Variants in SLCO2B1 observed in about 807,000 individuals in gnomAD.
SLCO2B1 encodes the protein OATP-RP2.
A neutral mutation model predicts 67.3 loss-of-function variants in SLCO2B1; 41 were observed. That is an observed-to-expected ratio of 0.61 (90% CI 0.47 to 0.79). The LOEUF (loss-of-function observed/expected upper bound fraction) is 0.79, where lower values mean the gene tolerates loss of function less well. Among genes scored for constraint, SLCO2B1 ranks in the 30% least tolerant of loss-of-function variants. The pLI, the probability that SLCO2B1 is intolerant of heterozygous loss-of-function variation, is 0.00. For synonymous variants in SLCO2B1, 379 were observed against 381.4 expected (o/e 0.99, Z 0.07); for missense variants, 837 against 920.1 (o/e 0.91, Z 1.17).
chr11:75,174,596 G>C (rs1368473119), intron 7 of SLCO2B1, among the ~76,000 whole-genome samples: 1 of 152,218 alleles, frequency 6.6e-6, no homozygotes, highest in East Asian at 1.9e-4. Flanking sequence ...CAGCTGCCAG[G>C]GAGTGAGCAG....
chr11:75,169,827 C>A, intron 6 of SLCO2B1, 63 bp downstream of exon 6: 1 of 1,407,786 alleles, frequency 7.1e-7, no homozygotes, highest in Non-Finnish European at 1.0e-6. Flanking sequence ...TCATAGGAGA[C>A]ATTGAGCCAG....
At chr11:75,204,285 G>A (rs746277654) in intron 13 of SLCO2B1, 115 bp from the exon 14 acceptor site, 11 of 1,097,860 alleles carry the variant, frequency 1.0e-5, no homozygotes, top group Admixed American at 4.7e-5. Context: ...CCACAGCAGA[G>A]GTCAATGTCT....
chr11:75,163,016 G>A, intron 2 of SLCO2B1: 1 of 441,344 alleles, frequency 2.3e-6, no homozygotes, highest in Non-Finnish European at 4.1e-6. Flanking sequence ...GGGTGTTCTT[G>A]GAGTAGTACA....
intron 7 of SLCO2B1, among the ~76,000 whole-genome samples, chr11:75,186,505 G>A (rs1036226678): frequency 2.6e-5 from 4 of 151,460 alleles, no homozygotes; most frequent in Admixed American, 6.6e-5. Context: ...CGCCACGCCC[G>A]ACTGATTTTT....
rs117493906 is a variant in SLCO2B1, at chr11:75,203,545, C to T, written c.1949+118C>T. 157 of 1,306,388 alleles carry T rather than the reference C, an allele frequency of 1.2e-4. 1 individual carries two copies. The East Asian group carries it at 3.4e-3, about 28-fold the overall frequency. The allele number at this position is 1,306,388 out of a possible 1,614,324, so 80.9% of individuals were successfully genotyped here. On this transcript the variant is annotated intron_variant, in intron 13 of 13. Transcript: ENST00000289575. ...AGTCTACCTGCTAGGTGACAGGTGTCATTATATATTCAGTGCTGAGCTCAC... is the reference window on the plus strand; with the variant it reads ...AGTCTACCTGCTAGGTGACAGGTGTTATTATATATTCAGTGCTGAGCTCAC...
At chr11:75,182,762 A>T (rs1193237895) in intron 7 of SLCO2B1, among the ~76,000 whole-genome samples, 2 of 151,982 alleles carry the variant, frequency 1.3e-5, no homozygotes, top group Non-Finnish European at 2.9e-5. Context: ...AGTGCAATGT[A>T]GACCAAATAG....
At chr11:75,155,062 G>A (rs2712819) in intron 1 of SLCO2B1, among the ~76,000 whole-genome samples, 119,788 of 152,060 alleles carry the variant, frequency 0.79, 47,471 homozygotes, top group Middle Eastern at 0.89. Context: ...CTGGGAACAG[G>A]AAGTCTCAGC....
At chr11:75,155,521 A>G (rs1170309753) in intron 1 of SLCO2B1, among the ~76,000 whole-genome samples, 1 of 152,134 alleles carries the variant, frequency 6.6e-6, no homozygotes, top group African/African-American at 2.4e-5. Flanking sequence ...GCAATGGCAC[A>G]ATCTCGGCTC....
chr11:75,186,257 G>A lies in SLCO2B1; in HGVS notation c.973-1879G>A, dbSNP rs1414106128. 2.8e-4 allele frequency among the ~76,000 whole-genome samples: 42 copies of A among 151,466 alleles called. 1 individual carries two copies. The highest frequency in any genetic ancestry group is 2.8e-3 in the Admixed American group (42 of 15,236). On this transcript the variant is annotated intron_variant, in intron 7 of 13. Transcript: ENST00000289575. ...GGAGTCTCGCTCTGTTGCCCAGGCTGGAGTGCAGTGGTACGATCTCAGCTC... is the reference window on the plus strand; with the variant it reads ...GGAGTCTCGCTCTGTTGCCCAGGCTAGAGTGCAGTGGTACGATCTCAGCTC...
chr11:75,169,592 CAG>C (rs1322219978), intron 5 of SLCO2B1, 72 bp from the exon 6 acceptor site: 1 of 1,341,288 alleles, frequency 7.5e-7, no homozygotes, highest in African/African-American at 1.5e-5. Flanking sequence ...TCTTGCCCAT[CAG>C]AGACTGGGCA....
intron 7 of SLCO2B1, among the ~76,000 whole-genome samples, chr11:75,175,497 G>T (rs1031140214): frequency 1.3e-5 from 2 of 152,160 alleles, no homozygotes; most frequent in Non-Finnish European, 2.9e-5. Context: ...CAGGCTCAGG[G>T]CTCAGGGGTC....
chr11:75,186,519 T>C (rs1171368848), intron 7 of SLCO2B1, among the ~76,000 whole-genome samples: 1 of 151,640 alleles, frequency 6.6e-6, no homozygotes, highest in Non-Finnish European at 1.5e-5. Context: ...GATTTTTTTT[T>C]TATTTTTATT....
intron 2 of SLCO2B1, among the ~76,000 whole-genome samples, chr11:75,163,101 TAC>T (rs1949842802): frequency 6.6e-6 from 1 of 152,122 alleles, no homozygotes; most frequent in African/African-American, 2.4e-5. Context: ...CCTATGTGGA[TAC>T]TGGGAGTCCT....
In SLCO2B1 at chr11:75,180,111, G is replaced by A. The variant is rs111454828; in HGVS notation, c.972+7542G>A. On this transcript the variant is annotated intron_variant, in intron 7 of 13. Transcript: ENST00000289575. ...TGGCTCACTGCAACCTCTGTCTCTC[G>A]GGCTCAAGTAATTTGCCTGTCTCAG... Among the ~76,000 whole-genome samples, 543 of 152,258 alleles carry A rather than the reference G, an allele frequency of 3.6e-3. 2 individuals are homozygous for A. The highest frequency in any genetic ancestry group is 0.013 in the African/African-American group (528 of 41,542).
At chr11:75,162,942 C>T in intron 2 of SLCO2B1, 157 bp downstream of exon 2, 1 of 892,136 alleles carries the variant, frequency 1.1e-6, no homozygotes, top group Non-Finnish European at 1.7e-6. Context: ...TGCGAAAGCA[C>T]TCAGCTGGGT....
intron 6 of SLCO2B1, among the ~76,000 whole-genome samples, chr11:75,171,484 C>T (rs1193841585): frequency 2.6e-5 from 4 of 152,158 alleles, no homozygotes; most frequent in Non-Finnish European, 5.9e-5. Context: ...TCTCGAACTC[C>T]TGGCCTCTAA....
At position 75,151,530 on chromosome 11, in the gene SLCO2B1, A is replaced by G. The variant is rs78614120; in HGVS notation, c.16+133A>G. 1.2e-3 allele frequency: 1,023 copies of G among 871,826 alleles called. 2 individuals carry two copies. The highest frequency in any genetic ancestry group is 1.7e-3 in the Non-Finnish European group (931 of 542,100). 54.0% of individuals were successfully genotyped at this position (871,826 alleles called of 1,614,324 possible). On this transcript the variant is annotated intron_variant, in intron 1 of 13. Transcript: ENST00000289575. Reference sequence around the variant, plus strand: ...CAGCTGTTGGCACAGAGCCAGGCACATGGCCGGAGTTCAGTGAAGGTGTGT... The same window carrying G: ...CAGCTGTTGGCACAGAGCCAGGCACGTGGCCGGAGTTCAGTGAAGGTGTGT...
At chr11:75,155,549 C>G (rs916102141) in intron 1 of SLCO2B1, among the ~76,000 whole-genome samples, 3 of 152,186 alleles carry the variant, frequency 2.0e-5, no homozygotes, top group Non-Finnish European at 2.9e-5. Flanking sequence ...CCTCGGCCTC[C>G]CAGATTCCAG....
chr11:75,165,289 G>T (rs1365977840), intron 3 of SLCO2B1, among the ~76,000 whole-genome samples: 1 of 152,106 alleles, frequency 6.6e-6, no homozygotes, highest in East Asian at 1.9e-4. Flanking sequence ...AAAATTAGCT[G>T]AGCATGGTGG....
Sources: gnomAD v4.1 joint callset for allele counts (sites outside exome capture counted in the v4.1 genomes callset) on GRCh38, gnomAD v4.1.1 for gene constraint, MANE v1.5 for transcripts, NCBI Gene and HGNC (gene_info 2026-07-23, HGNC 2026-07-21) for gene names.